EIF2B3: variants seen among roughly 807,000 people sequenced by gnomAD.
EIF2B3 encodes translation initiation factor eIF2B subunit gamma.
Under a neutral mutation model 54.1 loss-of-function variants are expected in EIF2B3, and 20 were observed. The ratio of observed to expected loss-of-function variants is 0.37; its 90% CI spans 0.26 to 0.54. EIF2B3 has a LOEUF of 0.54. EIF2B3 is among the 20% of genes least tolerant of loss of function. The probability of loss-of-function intolerance (pLI) is 0.86; values close to 1 mark genes in which losing one functional copy is unlikely to be tolerated. For missense variants in EIF2B3, 448 were observed against 547.8 expected, an observed-to-expected ratio of 0.82 and a Z score of 1.82; for synonymous variants, 153 against 188.1, an observed-to-expected ratio of 0.81 and a Z score of 1.52.
At chr1:44,852,522 C>T (rs1394983275) in intron 11 of EIF2B3, among the ~76,000 whole-genome samples, 1 of 152,036 alleles carries the variant, frequency 6.6e-6, no homozygotes, top group Non-Finnish European at 1.5e-5. Context: ...GCTCATGCCT[C>T]TAATCCCAGC....
At chr1:44,875,717 A>G in intron 8 of EIF2B3, 22 bp from the exon 9 acceptor site, 1 of 1,607,426 alleles carries the variant, frequency 6.2e-7, no homozygotes, top group Non-Finnish European at 8.5e-7. Context: ...AGATTTGGTC[A>G]CTAAAGATCA....
intron 10 of EIF2B3, among the ~76,000 whole-genome samples, chr1:44,871,563 G>C (rs1411186623): frequency 6.6e-6 from 1 of 152,182 alleles, no homozygotes; most frequent in East Asian, 1.9e-4. Context: ...ATGGTGAATT[G>C]TTTGTCATTC....
At chr1:44,861,842 T>C (rs976151593) in intron 10 of EIF2B3, among the ~76,000 whole-genome samples, 3 of 152,200 alleles carry the variant, frequency 2.0e-5, no homozygotes, top group African/African-American at 7.2e-5. Flanking sequence ...TTACTGGTTG[T>C]GAAGCTCTTT....
chr1:44,894,923 C>T (rs1408780052), intron 6 of EIF2B3, among the ~76,000 whole-genome samples: 1 of 152,164 alleles, frequency 6.6e-6, no homozygotes, highest in African/African-American at 2.4e-5. Context: ...TACCTACCAC[C>T]AACCAATTCA....
At chr1:44,860,213 G>C (rs950003582) in intron 10 of EIF2B3, among the ~76,000 whole-genome samples, 4 of 152,030 alleles carry the variant, frequency 2.6e-5, no homozygotes, top group East Asian at 1.9e-4. Flanking sequence ...GCAGTGGCGT[G>C]ATCTTGACTC....
intron 10 of EIF2B3, among the ~76,000 whole-genome samples, chr1:44,861,537 A>T (rs2148894988): frequency 6.6e-6 from 1 of 152,318 alleles, no homozygotes; most frequent in African/African-American, 2.4e-5. Flanking sequence ...CTGGGATATA[A>T]GTGGGAGAGA....
intron 5 of EIF2B3, among the ~76,000 whole-genome samples, chr1:44,917,753 C>CTTTT (rs1643653136): frequency 1.0e-5 from 1 of 97,948 alleles, no homozygotes; most frequent in Non-Finnish European, 2.0e-5. Flanking sequence ...ACCAATAACA[C>CTTTT]TCTTTTTTTT....
At chr1:44,975,315 C>T (rs929938468) in intron 3 of EIF2B3, among the ~76,000 whole-genome samples, 3 of 152,084 alleles carry the variant, frequency 2.0e-5, no homozygotes, top group Non-Finnish European at 4.4e-5. Context: ...TTAATGACAG[C>T]GATATGTTCT....
chr1:44,978,942 C>A (rs954715406), intron 2 of EIF2B3, among the ~76,000 whole-genome samples: 3 of 151,822 alleles, frequency 2.0e-5, no homozygotes, highest in Non-Finnish European at 2.9e-5. Context: ...TGGCCTCCCC[C>A]CAATTAATTC....
intron 3 of EIF2B3, among the ~76,000 whole-genome samples, chr1:44,974,481 A>C (rs1389520799): frequency 6.6e-6 from 1 of 151,112 alleles, no homozygotes; most frequent in Non-Finnish European, 1.5e-5. Flanking sequence ...TCTAAAAAAA[A>C]AAAAAAGAAA....
intron 3 of EIF2B3, among the ~76,000 whole-genome samples, chr1:44,945,904 A>G (rs960082102): frequency 1.3e-5 from 2 of 152,214 alleles, no homozygotes; most frequent in African/African-American, 4.8e-5. Flanking sequence ...AAATTGAACT[A>G]TTAAGTATAC....
intron 10 of EIF2B3, among the ~76,000 whole-genome samples, chr1:44,868,131 G>A (rs1654840592): frequency 6.6e-6 from 1 of 152,066 alleles, no homozygotes; most frequent in South Asian, 2.1e-4. Flanking sequence ...GGGCGCAATG[G>A]CTCAAGCCTG....
chr1:44,855,421 C>G (rs957991177), intron 11 of EIF2B3, among the ~76,000 whole-genome samples: 3 of 152,208 alleles, frequency 2.0e-5, no homozygotes, highest in Non-Finnish European at 2.9e-5. Context: ...ACTTTATACC[C>G]TGAAATCCCC....
intron 5 of EIF2B3, among the ~76,000 whole-genome samples, chr1:44,901,750 C>A (rs567707894): frequency 1.5e-4 from 23 of 150,442 alleles, no homozygotes; most frequent in Non-Finnish European, 1.5e-5. Context: ...TTTGTAGAGA[C>A]GGGTTTTGCC....
intron 10 of EIF2B3, among the ~76,000 whole-genome samples, chr1:44,872,193 A>C (rs1012981684): frequency 6.6e-6 from 1 of 151,990 alleles, no homozygotes; most frequent in Non-Finnish European, 1.5e-5. Context: ...CCACCACTCC[A>C]GGCTAATTTT....
In EIF2B3 at chr1:44,857,687, AT is replaced by A. The variant is rs1166172072; in HGVS notation, c.1306+16del. 6.2e-7 allele frequency: 1 copy of A among 1,612,402 alleles called. No individual in the cohort carries two copies. The highest frequency in any genetic ancestry group is 2.2e-5 in the East Asian group (1 of 44,876). ...GTGAGAAGTAAAAATGGAATCTGTG[AT>A]TGTAATCTGGTTTACCTTTGGCTTC... is the stretch of plus-strand genomic sequence containing the variant. On this transcript the variant is annotated intron_variant, in intron 11 of 11. Transcript: ENST00000360403.
intron 10 of EIF2B3, among the ~76,000 whole-genome samples, chr1:44,869,683 C>T (rs958358464): frequency 7.5e-6 from 1 of 133,582 alleles, no homozygotes; most frequent in African/African-American, 2.8e-5. Flanking sequence ...TCACTGCAAT[C>T]TCTGCCTGCC....
intron 7 of EIF2B3, among the ~76,000 whole-genome samples, chr1:44,880,676 A>C (rs1433537693): frequency 6.6e-6 from 1 of 152,308 alleles, no homozygotes; most frequent in South Asian, 2.1e-4. Context: ...TCAAGACACA[A>C]TGCTGGCCGG....
chr1:44,877,213 AAAAAAAAAAC>A (rs1655219533), intron 8 of EIF2B3, among the ~76,000 whole-genome samples: 1 of 148,364 alleles, frequency 6.7e-6, no homozygotes, highest in African/African-American at 2.5e-5. Context: ...AAAAAAAAAA[AAAAAAAAAAC>A]ACCTTAGGTA....
Sources: gnomAD v4.1 joint callset for allele counts (sites outside exome capture counted in the v4.1 genomes callset) on GRCh38, gnomAD v4.1.1 for gene constraint, MANE v1.5 for transcripts, NCBI Gene and HGNC (gene_info 2026-07-23, HGNC 2026-07-21) for gene names.